Variants in APBB1 observed in about 807,000 individuals in gnomAD.
APBB1 encodes adaptor protein FE65a2.
A neutral mutation model predicts 78.4 loss-of-function variants in APBB1; 22 were observed. The observed-to-expected ratio is 0.28, with a 90% CI of 0.20 to 0.40. APBB1 has a LOEUF of 0.40. Among genes scored for constraint, APBB1 ranks in the 10% least tolerant of loss-of-function variants. The probability of loss-of-function intolerance (pLI) is 1.00; values close to 1 mark genes in which losing one functional copy is unlikely to be tolerated. For synonymous variants in APBB1, 369 were observed against 372.7 expected, an observed-to-expected ratio of 0.99 and a Z score of 0.12; for missense variants, 749 against 932.4, an observed-to-expected ratio of 0.80 and a Z score of 2.56.
At chr11:6,417,721 T>C (rs1304947791) in intron 1 of APBB1, among the ~76,000 whole-genome samples, 2 of 152,172 alleles carry the variant, frequency 1.3e-5, no homozygotes, top group East Asian at 3.8e-4. Flanking sequence ...TTGAGAAATA[T>C]TTAGGCAGTG....
chr11:6,405,008 G>A (rs1564941816), intron 2 of APBB1: 6 of 1,425,592 alleles, frequency 4.2e-6, no homozygotes, highest in Middle Eastern at 2.6e-4. Flanking sequence ...ATCTCCTTGG[G>A]GGGTGGGGAA....
At position 6,411,698 on chromosome 11, in the gene APBB1, C is replaced by T. The variant is rs1185551744; in HGVS notation, c.-14-337G>A. On this transcript the variant is annotated intron_variant, in intron 1 of 14. Transcript: ENST00000609360. This position sits in a 1 kb window ranked among gnomAD's most constrained non-coding sequence, Gnocchi z 5.2. ...CTCCCCACCCCCCAGCTCATCCACC[C>T]GGGGCTTACTGTGCCAGGAACACCA... Among the ~76,000 whole-genome samples, 4 of 152,194 alleles carry T rather than the reference C, an allele frequency of 2.6e-5. No individual in the cohort carries two copies. The highest frequency in any genetic ancestry group is 4.8e-5 in the African/African-American group (2 of 41,450).
At chr11:6,408,574 A>G (rs1848880523) in intron 2 of APBB1, among the ~76,000 whole-genome samples, 2 of 148,920 alleles carry the variant, frequency 1.3e-5, no homozygotes, top group Admixed American at 1.4e-4. Context: ...GCTCTATCTC[A>G]GCTCACCACA....
chr11:6,402,077 C>T lies in APBB1; in HGVS notation c.1382+5G>A. The T allele has an allele frequency of 6.2e-7, 1 of 1,613,824 alleles. No individual in the cohort carries two copies. ...CCACCCTCGAATCCCAAGCCCTATT[C>T]CCACCTTCCACTGTCCCGCCCGACG... On this transcript the variant is annotated splice_donor_5th_base_variant and intron_variant, in intron 8 of 14. Transcript: ENST00000609360.
chr11:6,418,833 T>TGCGG (rs1159996975), intron 1 of APBB1, among the ~76,000 whole-genome samples, 152 bp downstream of exon 1: 1 of 152,070 alleles, frequency 6.6e-6, no homozygotes, highest in African/African-American at 2.4e-5. Flanking sequence ...GAGGACGGTC[T>TGCGG]GCGGGCGCGC....
In APBB1 at chr11:6,401,051, T is replaced by C; in HGVS notation, c.1610A>G (p.Asn537Ser). ...GACTTGGAACTTCTGGACCAACTCA[T>C]TCTTAGGCGCTGGGAATTCCACTAT... ...PFQVEFPAPK[N>S]ELVQKFQVYY... The change falls in exon 12 of 15, where the codon AAT becomes AGT. Residue 537 changes from asparagine to serine, a missense_variant. Asn to Ser is a conservative substitution (Grantham distance 46). Transcript: ENST00000609360. This position sits in a 1 kb window ranked among gnomAD's most constrained non-coding sequence, Gnocchi z 4.5. 6.2e-7 allele frequency: 1 copy of C among 1,614,122 alleles called. No individual in the cohort carries two copies.
chr11:6,402,113 G>C lies in APBB1; in HGVS notation c.1351C>G (p.Arg451Gly). Residue 451 changes from arginine (R) to glycine (G), a missense_variant, in exon 8 of 15, where the codon CGC becomes GGC. By Grantham distance (125) the Arg-to-Gly change is moderately radical (BLOSUM62 -2). Transcript: ENST00000609360. ...LLHAQPIISI[R>G]VWGVGRDSGR... ...CTGTCCCGCCCGACGCCCCACACGC[G>C]GATGCTGATGATGGGTTGGGCGTGC... The C allele has an allele frequency of 6.2e-7, 1 of 1,614,082 alleles. No homozygotes were observed. Among genetic ancestry groups the C allele is most frequent in the Non-Finnish European group, 8.5e-7 (1 of 1,180,012 alleles).
At chr11:6,396,466 T>G in intron 12 of APBB1, 1 of 467,684 alleles carries the variant, frequency 2.1e-6, no homozygotes, top group Non-Finnish European at 3.8e-6. Flanking sequence ...GCTCTGCCTA[T>G]TCCTCCACAC....
chr11:6,401,976 C>A lies in APBB1; in HGVS notation c.1388+1G>T. On this transcript the variant is annotated splice_donor_variant, in intron 9 of 14. Transcript: ENST00000609360. LOFTEE classifies it high-confidence loss of function. This position sits in a 1 kb window ranked among gnomAD's most constrained non-coding sequence, Gnocchi z 4.5. Reference sequence around the variant, plus strand: ...TAGGAGGGGGAAAATAGGCATAGTACCTCTCTCTGGGTCCAGCAGCACAAG... The same window carrying A: ...TAGGAGGGGGAAAATAGGCATAGTAACTCTCTCTGGGTCCAGCAGCACAAG... 6.4e-7 allele frequency: 1 copy of A among 1,565,706 alleles called. No homozygotes were observed. The highest frequency in any genetic ancestry group is 1.3e-5 in the African/African-American group (1 of 74,346).
Position 6,401,732 on chromosome 11 carries a change from T to C in APBB1, c.1389-44A>G. 6.2e-7 allele frequency: 1 copy of C among 1,601,786 alleles called. No homozygotes were observed. The highest frequency in any genetic ancestry group is 8.6e-7 in the Non-Finnish European group (1 of 1,169,118). ...CTCAGTGTCTCCCAGTACCATCCAGTGCTGAGCCTGGTCCCCACCCCACCC... is the reference window on the plus strand; with the variant it reads ...CTCAGTGTCTCCCAGTACCATCCAGCGCTGAGCCTGGTCCCCACCCCACCC... On this transcript the variant is annotated intron_variant, in intron 9 of 14. Coordinates refer to ENST00000609360, the MANE Select transcript of APBB1 (RefSeq NM_001164.5). This position sits in a 1 kb window ranked among gnomAD's most constrained non-coding sequence, Gnocchi z 4.5.
At chr11:6,402,752 G>A (rs751201788) in intron 6 of APBB1, 27 bp from the exon 7 acceptor site, 10 of 1,613,394 alleles carry the variant, frequency 6.2e-6, no homozygotes, top group Non-Finnish European at 8.5e-6. Flanking sequence ...AGGGGCAGGA[G>A]GTAGAGGATC....
chr11:6,400,054 AT>A (rs1848422154), intron 12 of APBB1, among the ~76,000 whole-genome samples: 1 of 152,158 alleles, frequency 6.6e-6, no homozygotes, highest in Non-Finnish European at 1.5e-5. Flanking sequence ...TCACACATTT[AT>A]TTGTGTGATT....
chr11:6,407,343 C>T (rs1019689984), intron 2 of APBB1, among the ~76,000 whole-genome samples: 3 of 152,160 alleles, frequency 2.0e-5, no homozygotes, highest in Non-Finnish European at 2.9e-5. Flanking sequence ...CAGTACTATC[C>T]CCCTACTCCT....
rs940921960 is a variant in APBB1 at position 6,396,890 on chromosome 11, T to C, written c.1673-675A>G. 8.5e-5 allele frequency among the ~76,000 whole-genome samples: 13 copies of C among 152,322 alleles called. No homozygotes were observed. The East Asian group carries it at 1.4e-3, about 16-fold the overall frequency. ...TCTCTATATTACTAGTTTTCAGAAC[T>C]AGAAGGGCTTTCAAGATCTTAGTTC... On this transcript the variant is annotated intron_variant, in intron 12 of 14. Coordinates refer to ENST00000609360, the MANE Select transcript of APBB1 (RefSeq NM_001164.5).
chr11:6,401,485 C>G lies in APBB1; in HGVS notation c.1504-56G>C. ...GAGAATCTATTAGAGCCTCATTGCCCTGGGGCCCCCCTACAGCACTCAGTG... is the reference window on the plus strand; with the variant it reads ...GAGAATCTATTAGAGCCTCATTGCCGTGGGGCCCCCCTACAGCACTCAGTG... On this transcript the variant is annotated intron_variant, in intron 10 of 14. Transcript: ENST00000609360. The surrounding 1 kb of genome is among the most constrained non-coding windows in gnomAD (Gnocchi z 4.5). The G allele has an allele frequency of 5.0e-6, 8 of 1,612,290 alleles. No homozygotes were observed. Among genetic ancestry groups the G allele is most frequent in the Non-Finnish European group, 6.8e-6 (8 of 1,178,694 alleles).
chr11:6,409,281 C>T (rs1285526911), intron 2 of APBB1, among the ~76,000 whole-genome samples: 1 of 151,756 alleles, frequency 6.6e-6, no homozygotes, highest in Non-Finnish European at 1.5e-5. Flanking sequence ...TGCCATGTTG[C>T]TCAGACTGGT....
At chr11:6,396,849 C>A (rs1288833880) in intron 12 of APBB1, among the ~76,000 whole-genome samples, 1 of 152,126 alleles carries the variant, frequency 6.6e-6, no homozygotes, top group African/African-American at 2.4e-5. Context: ...CTTAGCCATG[C>A]CTTTCTCCTA....
At chr11:6,405,050 GC>G (rs1848740321) in intron 2 of APBB1, 1 of 1,411,510 alleles carries the variant, frequency 7.1e-7, no homozygotes, top group Non-Finnish European at 9.2e-7. Context: ...TGAGACCCCA[GC>G]CCCTTCTGCT....
In APBB1 at chr11:6,403,918, G is replaced by C; in HGVS notation, c.722-96C>G. ...CCTCTGAGACCCCATGGTTGAGAAG[G>C]GGTGGTGGAAGAGCTATACCACAAC... is the stretch of plus-strand genomic sequence containing the variant. On this transcript the variant is annotated intron_variant, in intron 2 of 14. Transcript: ENST00000609360. This position sits in a 1 kb window ranked among gnomAD's most constrained non-coding sequence, Gnocchi z 5.3. The C allele has an allele frequency of 7.3e-7, 1 of 1,360,744 alleles. No homozygotes were observed. The highest frequency in any genetic ancestry group is 9.9e-7 in the Non-Finnish European group (1 of 1,005,388). The allele number at this position is 1,360,744 out of a possible 1,614,324, so 84.3% of individuals were successfully genotyped here.
Sources: gnomAD v4.1 joint callset for allele counts (sites outside exome capture counted in the v4.1 genomes callset) on GRCh38, gnomAD v4.1.1 for gene constraint, Gnocchi (gnomAD v3.1) non-coding constraint, MANE v1.5 for transcripts, NCBI Gene and HGNC (gene_info 2026-07-23, HGNC 2026-07-21) for gene names.